The following SLC25A42 variants were observed in gnomAD, a reference collection of about 807,000 sequenced individuals.
SLC25A42 encodes mitochondrial coenzyme A transporter SLC25A42.
Under a neutral mutation model 34.7 loss-of-function variants are expected in SLC25A42, and 19 were observed. The observed-to-expected ratio is 0.55, with a 90% CI of 0.38 to 0.80. The LOEUF (loss-of-function observed/expected upper bound fraction) is 0.80. Among genes scored for constraint, SLC25A42 ranks in the 30% least tolerant of loss-of-function variants. The pLI is 0.00. For missense variants in SLC25A42, 364 were observed against 441.3 expected, an observed-to-expected ratio of 0.82 and a Z score of 1.57; for synonymous variants, 205 against 191.2, an observed-to-expected ratio of 1.07 and a Z score of -0.59.
intron 1 of SLC25A42, among the ~76,000 whole-genome samples, chr19:19,088,924 C>T (rs1333171562): frequency 2.0e-5 from 3 of 152,044 alleles, no homozygotes; most frequent in East Asian, 1.9e-4. Context: ...TCTTCTGCCT[C>T]GGCCTCTCAA....
chr19:19,085,545 T>C (rs2145907978), intron 1 of SLC25A42, among the ~76,000 whole-genome samples: 1 of 152,270 alleles, frequency 6.6e-6, no homozygotes, highest in South Asian at 2.1e-4. Context: ...CATGCCCAGC[T>C]AATTTTTGTA....
intron 1 of SLC25A42, among the ~76,000 whole-genome samples, chr19:19,073,718 G>C (rs1280019419): frequency 1.3e-5 from 2 of 152,090 alleles, no homozygotes; most frequent in Non-Finnish European, 2.9e-5. Context: ...GGGATTACAG[G>C]TATGTACCAC....
intron 3 of SLC25A42, among the ~76,000 whole-genome samples, chr19:19,103,075 CTTT>C (rs1346120215): frequency 6.6e-6 from 1 of 151,920 alleles, no homozygotes; most frequent in Non-Finnish European, 1.5e-5. Context: ...CTCTCTCTCT[CTTT>C]TATTTATTTA....
At chr19:19,065,912 A>G (rs561680330) in intron 1 of SLC25A42, among the ~76,000 whole-genome samples, 1 of 152,230 alleles carries the variant, frequency 6.6e-6, no homozygotes, top group South Asian at 2.1e-4. Flanking sequence ...GCTGGAGTGC[A>G]GTGGTGTGAT....
intron 5 of SLC25A42, 124 bp from the exon 6 acceptor site, chr19:19,106,145 T>G: frequency 1.3e-6 from 1 of 791,062 alleles, no homozygotes; most frequent in Non-Finnish European, 2.0e-6. Flanking sequence ...CAAACCCGCC[T>G]CGTGTTCCTC....
At chr19:19,067,021 C>A (rs1387778546) in intron 1 of SLC25A42, among the ~76,000 whole-genome samples, 144 of 115,628 alleles carry the variant, frequency 1.2e-3, no homozygotes, top group Admixed American at 2.0e-3. Context: ...GACCCTGTCT[C>A]AAAAAAAAAA....
rs1023163519 is a variant in SLC25A42, at chr19:19,107,924, C to A, written c.528C>A (p.Arg176=). The A allele has an allele frequency of 6.2e-7, 1 of 1,614,170 alleles. No homozygotes were observed. Among genetic ancestry groups the A allele is most frequent in the East Asian group, 2.2e-5 (1 of 44,868 alleles). The change falls in exon 7 of 8, where the codon CGC becomes CGA. Residue 176 remains arginine (R), a synonymous_variant. Transcript: ENST00000318596. Reference sequence around the variant, plus strand: ...GCAACATCTTTCATGTCTTCATCCGCATCTCGAGAGAAGAGGGGCTGAAGA... The same window carrying A: ...GCAACATCTTTCATGTCTTCATCCGAATCTCGAGAGAAGAGGGGCTGAAGA... ...MYSNIFHVFI[R]ISREEGLKTL...
chr19:19,106,374 C>A lies in SLC25A42; in HGVS notation c.486C>A (p.Thr162=). The change falls in exon 6 of 8, where the codon ACC becomes ACA. Residue 162 remains threonine, a synonymous_variant. Coordinates refer to ENST00000318596, the MANE Select transcript of SLC25A42 (RefSeq NM_178526.5). The stretch of plus-strand genomic sequence containing the variant: ...TGGTCAGAGCGCGGATGGCCGTAAC[C>A]CCGAAGGAAATGTGAGTCCTTACAT... ...LDLVRARMAV[T]PKEMYSNIFH... is the part of the protein sequence containing the mutation. 6.2e-7 allele frequency: 1 copy of A among 1,611,844 alleles called. No individual in the cohort carries two copies. Among genetic ancestry groups the A allele is most frequent in the South Asian group, 1.1e-5 (1 of 90,918 alleles).
At chr19:19,103,312 C>CT (rs1454895536) in intron 3 of SLC25A42, among the ~76,000 whole-genome samples, 4 of 152,260 alleles carry the variant, frequency 2.6e-5, no homozygotes, top group African/African-American at 9.6e-5. Context: ...CCCCGCTGGT[C>CT]TTGAATTCCT....
At chr19:19,095,286 T>C (rs2059758489) in intron 1 of SLC25A42, among the ~76,000 whole-genome samples, 1 of 150,862 alleles carries the variant, frequency 6.6e-6, no homozygotes, top group Admixed American at 6.6e-5. Flanking sequence ...TGCAGTGAGC[T>C]ATGATTGTTC....
At chr19:19,094,722 C>T (rs1043790109) in intron 1 of SLC25A42, among the ~76,000 whole-genome samples, 4 of 152,146 alleles carry the variant, frequency 2.6e-5, no homozygotes, top group Admixed American at 6.6e-5. Flanking sequence ...TGCAGTAATG[C>T]GTTTTCATTT....
intron 1 of SLC25A42, among the ~76,000 whole-genome samples, chr19:19,085,468 G>A (rs937609901): frequency 4.0e-5 from 6 of 151,560 alleles, no homozygotes; most frequent in South Asian, 2.1e-4. Flanking sequence ...TGCAACCTCT[G>A]CTTCCGAGGT....
chr19:19,098,956 A>G (rs1344542445), intron 2 of SLC25A42, among the ~76,000 whole-genome samples: 1 of 152,192 alleles, frequency 6.6e-6, no homozygotes, highest in Non-Finnish European at 1.5e-5. Flanking sequence ...GATAGGAGGT[A>G]ACCACCGAAT....
At chr19:19,094,925 T>C (rs117117558) in intron 1 of SLC25A42, among the ~76,000 whole-genome samples, 1,833 of 152,122 alleles carry the variant, frequency 0.012, 18 homozygotes, top group East Asian at 0.028. Flanking sequence ...TCGGACGCGG[T>C]GGCTCATGCT....
At chr19:19,093,241 C>T (rs1273074574) in intron 1 of SLC25A42, among the ~76,000 whole-genome samples, 1 of 152,106 alleles carries the variant, frequency 6.6e-6, no homozygotes, top group Non-Finnish European at 1.5e-5. Flanking sequence ...GTCTCAAACT[C>T]CTGGGCTCAA....
chr19:19,110,936 G>A lies in SLC25A42; in HGVS notation c.*60G>A, dbSNP rs2059861327. 1.7e-5 allele frequency: 27 copies of A among 1,575,026 alleles called. No homozygotes were observed. Among genetic ancestry groups the A allele is most frequent in the Non-Finnish European group, 2.3e-5 (27 of 1,151,148 alleles). ...TGACCCCTTTGTATTCTGGGCCCAT[G>A]GAACGGTGGGGGGGTGCGCTTGATT... is the stretch of plus-strand genomic sequence containing the variant. On this transcript the variant is annotated 3_prime_UTR_variant, in exon 8 of 8. Transcript: ENST00000318596.
intron 1 of SLC25A42, among the ~76,000 whole-genome samples, chr19:19,091,603 G>A (rs182382574): frequency 1.4e-4 from 22 of 152,320 alleles, no homozygotes; most frequent in Admixed American, 1.1e-3. Flanking sequence ...ATGGCCGGGT[G>A]CGGTGGCTCC....
chr19:19,112,127 C>A lies in SLC25A42; in HGVS notation c.*1251C>A, dbSNP rs547862094. 5.9e-5 allele frequency: 9 copies of A among 152,228 alleles called. No individual in the cohort carries two copies. Among genetic ancestry groups the A allele is most frequent in the African/African-American group, 2.2e-4 (9 of 41,444 alleles). The allele number at this position is 152,228 out of a possible 1,614,324, so 9.4% of individuals were successfully genotyped here. On this transcript the variant is annotated 3_prime_UTR_variant, in exon 8 of 8. Coordinates refer to ENST00000318596, the MANE Select transcript of SLC25A42 (RefSeq NM_178526.5). The surrounding 1 kb of genome is among the most constrained non-coding windows in gnomAD (Gnocchi z 4.3). ...TTTTGGTTTTCAACTTGGCTGACCC[C>A]GGGTCTATGATCTATTCACATCGAA...
chr19:19,105,774 G>A (rs1364758335), intron 5 of SLC25A42, 47 bp downstream of exon 5: 8 of 1,112,812 alleles, frequency 7.2e-6, no homozygotes, highest in African/African-American at 3.6e-5. Context: ...GCCCACGCCC[G>A]CCCCTCTCTC....
Sources: gnomAD v4.1 joint callset for allele counts (sites outside exome capture counted in the v4.1 genomes callset) on GRCh38, gnomAD v4.1.1 for gene constraint, Gnocchi (gnomAD v3.1) non-coding constraint, MANE v1.5 for transcripts, NCBI Gene and HGNC (gene_info 2026-07-23, HGNC 2026-07-21) for gene names.